Variants in CSNK2A2 observed in about 807,000 individuals in gnomAD.
The protein encoded by CSNK2A2 is casein kinase 2 alpha 2.
In CSNK2A2, 8 loss-of-function variants were observed where a neutral mutation model predicts 54.0. The observed-to-expected ratio is 0.15, with a 90% confidence interval of 0.09 to 0.27. The LOEUF (loss-of-function observed/expected upper bound fraction) is 0.27, where lower values mean the gene tolerates loss of function less well. Ranked by LOEUF, CSNK2A2 falls within the 10% of genes least tolerant of loss-of-function variation. The pLI is 1.00. For missense variants in CSNK2A2, 242 were observed against 439.4 expected, an observed-to-expected ratio of 0.55 and a Z score of 4.02; for synonymous variants, 141 against 153.9, an observed-to-expected ratio of 0.92 and a Z score of 0.62.
At chr16:58,160,197 A>C (rs1463855095) in intron 11 of CSNK2A2, 7 of 152,040 alleles carry the variant, frequency 4.6e-5, no homozygotes, top group Admixed American at 1.3e-4. Context: ...ACTCAGTCTT[A>C]ATTTATTAAG....
intron 6 of CSNK2A2, among the ~76,000 whole-genome samples, chr16:58,168,311 G>A (rs900213087): frequency 6.6e-5 from 10 of 152,040 alleles, no homozygotes; most frequent in Non-Finnish European, 1.2e-4. Context: ...ATTGGTCTGC[G>A]GGTCATCAAG....
intron 4 of CSNK2A2, among the ~76,000 whole-genome samples, chr16:58,175,519 T>C (rs961693061): frequency 6.6e-6 from 1 of 152,266 alleles, no homozygotes; most frequent in African/African-American, 2.4e-5. Context: ...ATAAAAACTA[T>C]ACATCCATAT....
Position 58,167,168 on chromosome 16 carries a change from C to T in CSNK2A2, c.726+39G>A, listed in dbSNP as rs754355776. 12 of 1,485,138 alleles carry T rather than the reference C, an allele frequency of 8.1e-6. No individual in the cohort carries two copies. The South Asian group carries it at 1.1e-4, about 13-fold the overall frequency. The allele number at this position is 1,485,138 out of a possible 1,614,324, so 92.0% of individuals were successfully genotyped here. Reference sequence around the variant, plus strand: ...CTAAGGATGCTATTTTTTTGGCATTCACCCCCAAATAAATAAGAACCAGAA... The same window carrying T: ...CTAAGGATGCTATTTTTTTGGCATTTACCCCCAAATAAATAAGAACCAGAA... On this transcript the variant is annotated intron_variant, in intron 8 of 11. Coordinates refer to ENST00000262506, the MANE Select transcript of CSNK2A2 (RefSeq NM_001896.4).
In CSNK2A2 at chr16:58,171,979, AT is replaced by A. The variant is rs746200172; in HGVS notation, c.429+2471del. Among the ~76,000 whole-genome samples the A allele has an allele frequency of 6.7e-3, 445 of 66,114 alleles. 10 individuals are homozygous for A. Among genetic ancestry groups the A allele is most frequent in the African/African-American group, 0.034 (406 of 11,934 alleles). 43.4% of individuals were successfully genotyped at this position (66,114 alleles called of 152,430 possible). On this transcript the variant is annotated intron_variant, in intron 5 of 11. Transcript: ENST00000262506. The stretch of plus-strand genomic sequence containing the variant: ...CATGCATATATATATATATATATAT[AT>A]TTTTTTTTTTTTTTTTTTTTTGGTA...
intron 9 of CSNK2A2, among the ~76,000 whole-genome samples, chr16:58,166,054 G>A (rs1961553240): frequency 6.6e-6 from 1 of 152,170 alleles, no homozygotes; most frequent in Non-Finnish European, 1.5e-5. Flanking sequence ...CCCAGGGCTA[G>A]CCTCAGAAAC....
intron 5 of CSNK2A2, among the ~76,000 whole-genome samples, chr16:58,169,627 T>C (rs977193393): frequency 1.3e-5 from 2 of 152,154 alleles, no homozygotes; most frequent in African/African-American, 2.4e-5. Context: ...TATGTGGACA[T>C]GAAGAATGAC....
At chr16:58,162,932 C>T (rs1335015517) in intron 11 of CSNK2A2, 2 of 152,152 alleles carry the variant, frequency 1.3e-5, no homozygotes, top group South Asian at 2.1e-4. Flanking sequence ...AACTCTAGTA[C>T]CTGCATGCAA....
At chr16:58,158,737 A>T (rs929506884) in intron 11 of CSNK2A2, among the ~76,000 whole-genome samples, 2 of 152,224 alleles carry the variant, frequency 1.3e-5, no homozygotes, top group African/African-American at 4.8e-5. Context: ...GGTCCCCCTC[A>T]GACCTGACCT....
chr16:58,172,893 A>G (rs1450266800), intron 5 of CSNK2A2, among the ~76,000 whole-genome samples: 5 of 152,194 alleles, frequency 3.3e-5, no homozygotes, highest in Admixed American at 6.5e-5. Context: ...AGTGACACCC[A>G]CATGTCCACC....
At chr16:58,175,742 T>A (rs1309036587) in intron 4 of CSNK2A2, among the ~76,000 whole-genome samples, 1 of 152,184 alleles carries the variant, frequency 6.6e-6, no homozygotes. Flanking sequence ...GAATACCAGG[T>A]CTTTGCTTTC....
In CSNK2A2 at chr16:58,197,242, C is replaced by A. The variant is rs537665757; in HGVS notation, c.104+391G>T. 3.2e-4 allele frequency: 88 copies of A among 278,766 alleles called. No individual in the cohort carries two copies. In the South Asian group the frequency reaches 4.6e-3, roughly 14 times the overall value. The allele number at this position is 278,766 out of a possible 1,614,324, so 17.3% of individuals were successfully genotyped here. ...ACGTCTTTAAGAAATTTCCTCCCAC[C>A]ACCTCATCTCAGAAAACCTAAAAGG... is the stretch of plus-strand genomic sequence containing the variant. On this transcript the variant is annotated intron_variant, in intron 1 of 11. Coordinates refer to ENST00000262506, the MANE Select transcript of CSNK2A2 (RefSeq NM_001896.4). The surrounding 1 kb of genome is among the most constrained non-coding windows in gnomAD (Gnocchi z 4.0).
At chr16:58,175,905 C>T (rs1263615049) in intron 4 of CSNK2A2, among the ~76,000 whole-genome samples, 1 of 152,154 alleles carries the variant, frequency 6.6e-6, no homozygotes, top group African/African-American at 2.4e-5. Flanking sequence ...ACAGCTGACC[C>T]CCATTCAGGC....
At chr16:58,186,960 C>G in intron 2 of CSNK2A2, 104 bp from the exon 3 acceptor site, 1 of 867,580 alleles carries the variant, frequency 1.2e-6, no homozygotes, top group Admixed American at 2.3e-5. Context: ...CTATCTTGTA[C>G]ACTCTGTTGT....
intron 5 of CSNK2A2, among the ~76,000 whole-genome samples, chr16:58,173,067 G>A (rs1961782361): frequency 6.6e-6 from 1 of 152,172 alleles, no homozygotes. Context: ...GGGTGAGAGT[G>A]CATGGGATTA....
rs1203675780 is a variant in CSNK2A2 at position 58,197,424 on chromosome 16, G to C, written c.104+209C>G. Among the ~76,000 whole-genome samples, 1 of 152,220 alleles carries C rather than the reference G, an allele frequency of 6.6e-6. No individual in the cohort carries two copies. The highest frequency in any genetic ancestry group is 1.9e-4 in the East Asian group (1 of 5,190). ...AAAAAAGCATTCCTTGGGGGAAAGG[G>C]GTGCGCAAAGCGGGGAGAAAGGGAC... On this transcript the variant is annotated intron_variant, in intron 1 of 11. Transcript: ENST00000262506. This position sits in a 1 kb window ranked among gnomAD's most constrained non-coding sequence, Gnocchi z 4.0.
intron 4 of CSNK2A2, among the ~76,000 whole-genome samples, chr16:58,182,325 C>T (rs1422951584): frequency 3.1e-5 from 4 of 128,668 alleles, no homozygotes; most frequent in Non-Finnish European, 6.2e-5. Flanking sequence ...GGTAAGCCAT[C>T]GAGACCATCC....
intron 6 of CSNK2A2, 99 bp from the exon 7 acceptor site, chr16:58,167,894 C>CA: frequency 2.2e-6 from 2 of 919,128 alleles, no homozygotes; most frequent in South Asian, 2.8e-5. Context: ...CATTTGGCCA[C>CA]ACAAAAAATG....
At chr16:58,171,980 T>TATATATATATATATATATATATATATA (rs1555505772) in intron 5 of CSNK2A2, among the ~76,000 whole-genome samples, 1 of 37,072 alleles carries the variant, frequency 2.7e-5, no homozygotes, top group African/African-American at 1.7e-4. Context: ...TATATATATA[T>TATATATATATATATATATATATATATA]TTTTTTTTTT....
At chr16:58,182,633 C>CATTAACGAA (rs1962086198) in intron 4 of CSNK2A2, among the ~76,000 whole-genome samples, 1 of 151,512 alleles carries the variant, frequency 6.6e-6, no homozygotes, top group Non-Finnish European at 1.5e-5. Context: ...GGTAAAAACT[C>CATTAACGAA]ATTAACGAAG....
Sources: allele counts gnomAD v4.1 joint callset (sites outside exome capture counted in the v4.1 genomes callset), GRCh38; gene constraint gnomAD v4.1.1; non-coding constraint Gnocchi (gnomAD v3.1); transcripts MANE v1.5; gene names NCBI Gene and HGNC (gene_info 2026-07-23, HGNC 2026-07-21).